WRAP73: variants seen among roughly 807,000 people sequenced by gnomAD.
WRAP73 encodes WD repeat containing, antisense to TP73.
WRAP73 carries 55 observed loss-of-function variants against 59.6 expected under a neutral mutation model. The observed-to-expected ratio is 0.92, with a 90% CI of 0.74 to 1.15. The LOEUF (loss-of-function observed/expected upper bound fraction) is 1.15. Ranked by LOEUF, WRAP73 falls within the 50% of genes most tolerant of loss-of-function variation. The pLI is 0.00. For missense variants in WRAP73, 592 were observed against 608.1 expected, an observed-to-expected ratio of 0.97 and a Z score of 0.28; for synonymous variants, 265 against 258.2, an observed-to-expected ratio of 1.03 and a Z score of -0.25.
At position 3,632,235 on chromosome 1, in the gene WRAP73, G is replaced by A. The variant is rs1313048011; in HGVS notation, c.1026C>T (p.Ser342=). 2.5e-6 allele frequency: 4 copies of A among 1,614,020 alleles called. No individual in the cohort carries two copies. The Admixed American group carries it at 6.7e-5, about 27-fold the overall frequency. The part of the protein sequence containing the change: ...GIGMLAFSPD[S]YFLATRNDNI... ...GACCGTTCCTTGTCGCCAGGAAGTA[G>A]CTGTCAGGACTAAATGCCAGCATTC... Residue 342 remains serine, a synonymous_variant, in exon 10 of 12, where the codon AGC becomes AGT. Transcript: ENST00000270708.
chr1:3,635,587 G>A (rs1644582259), intron 6 of WRAP73: 2 of 495,798 alleles, frequency 4.0e-6, no homozygotes, highest in Non-Finnish European at 7.2e-6. Context: ...TTGGGAGGCC[G>A]AAGCTGGCAG....
At chr1:3,632,911 AC>A (rs1168339085) in intron 9 of WRAP73, 4 of 213,430 alleles carry the variant, frequency 1.9e-5, no homozygotes, top group Non-Finnish European at 3.8e-5. Flanking sequence ...TCTACCTGCA[AC>A]CTTCAGATGC....
Position 3,647,493 on chromosome 1 carries a change from G to A in WRAP73, c.137C>T (p.Thr46Met), listed in dbSNP as rs890149250. ...VNTLQILQLY[T>M]CLDQIQHIEW... The stretch of plus-strand genomic sequence containing the variant: ...GATGTGCTGGATCTGGTCTAGGCAC[G>A]TGTACAGCTGAAGGATCTGAAGGGT... The change falls in exon 2 of 12, where the codon ACG (threonine) becomes ATG (methionine). Residue 46 changes from threonine to methionine, a missense_variant. By Grantham distance (81) the Thr-to-Met change is moderately conservative (BLOSUM62 -1). Transcript: ENST00000270708. 2.1e-5 allele frequency: 34 copies of A among 1,613,864 alleles called. No individual in the cohort carries two copies. The highest frequency in any genetic ancestry group is 1.2e-4 in the South Asian group (11 of 91,084).
In WRAP73 at chr1:3,632,367, T is replaced by C. The variant is rs765544322; in HGVS notation, c.923-29A>G. ...GAACACCAACAGGAAGAACACGCCA[T>C]TGTCACCCTTTCGGGAAGTACGCAC... On this transcript the variant is annotated intron_variant, in intron 9 of 11. Transcript: ENST00000270708. 32 of 1,613,742 alleles carry C rather than the reference T, an allele frequency of 2.0e-5. No individual in the cohort carries two copies. The East Asian group carries it at 4.2e-4, about 21-fold the overall frequency.
At chr1:3,632,406 T>C (rs1239750794) in intron 9 of WRAP73, 68 bp from the exon 10 acceptor site, 4 of 1,610,786 alleles carry the variant, frequency 2.5e-6, no homozygotes, top group Non-Finnish European at 3.4e-6. Context: ...GCTGAGAGGC[T>C]GCTGTGCCTG....
chr1:3,646,190 C>G lies in WRAP73; in HGVS notation c.339+476G>C, dbSNP rs867103530. Among the ~76,000 whole-genome samples the G allele has an allele frequency of 2.0e-5, 3 of 152,182 alleles. No individual in the cohort carries two copies. Among genetic ancestry groups the G allele is most frequent in the Non-Finnish European group, 2.9e-5 (2 of 68,042 alleles). ...CAGACAGTGCCTGTGTTCACGACAC[C>G]CTTATCTGACTCAGTAGCAGCCCAA... On this transcript the variant is annotated intron_variant, in intron 3 of 11. Transcript: ENST00000270708. This position sits in a 1 kb window ranked among gnomAD's most constrained non-coding sequence, Gnocchi z 5.1.
In WRAP73 at chr1:3,630,822, C is replaced by T; in HGVS notation, c.*153G>A. Reference sequence around the variant, plus strand: ...AAATAATAAAACTACAGTTTTATACCATACATATTTACAAAAATGCTTTGC... The same window carrying T: ...AAATAATAAAACTACAGTTTTATACTATACATATTTACAAAAATGCTTTGC... On this transcript the variant is annotated 3_prime_UTR_variant, in exon 12 of 12. Coordinates refer to ENST00000270708, the MANE Select transcript of WRAP73 (RefSeq NM_017818.4). 1 of 926,140 alleles carries T rather than the reference C, an allele frequency of 1.1e-6. No homozygotes were observed. Among genetic ancestry groups the T allele is most frequent in the South Asian group, 1.7e-5 (1 of 58,998 alleles). The allele number at this position is 926,140 out of a possible 1,614,324, so 57.4% of individuals were successfully genotyped here. A position where few individuals can be genotyped will look rare whatever the true frequency, so the allele number is the denominator to read the frequency against.
chr1:3,642,365 G>A lies in WRAP73; in HGVS notation c.340-3543C>T, dbSNP rs537750662. Reference sequence around the variant, plus strand: ...CACATAGGTGGACCAACAGTGGACTGGAATGGAAACCAGAAGTGATCCTGC... The same window carrying A: ...CACATAGGTGGACCAACAGTGGACTAGAATGGAAACCAGAAGTGATCCTGC... On this transcript the variant is annotated intron_variant, in intron 3 of 11. Coordinates refer to ENST00000270708, the MANE Select transcript of WRAP73 (RefSeq NM_017818.4). 6.6e-5 allele frequency among the ~76,000 whole-genome samples: 10 copies of A among 152,334 alleles called. No individual in the cohort carries two copies. The East Asian group carries it at 1.9e-3, about 29-fold the overall frequency.
chr1:3,633,276 G>A (rs985504680), intron 9 of WRAP73, 122 bp downstream of exon 9: 2 of 909,370 alleles, frequency 2.2e-6, no homozygotes, highest in African/African-American at 1.7e-5. Context: ...CACACTGGCT[G>A]GAAGCATGGA....
chr1:3,643,535 G>C (rs527606157), intron 3 of WRAP73, among the ~76,000 whole-genome samples: 1 of 152,092 alleles, frequency 6.6e-6, no homozygotes, highest in Non-Finnish European at 1.5e-5. Flanking sequence ...CACGTGGGGT[G>C]GCGCCTTCGC....
intron 8 of WRAP73, 131 bp from the exon 9 acceptor site, chr1:3,633,634 G>A (rs1395065590): frequency 2.7e-5 from 19 of 700,916 alleles, no homozygotes; most frequent in Non-Finnish European, 4.0e-5. Flanking sequence ...TGCTGCCACC[G>A]GGAGAGACGG....
At chr1:3,632,125 A>T (rs1644541396) in intron 10 of WRAP73, 88 bp downstream of exon 10, 1 of 1,521,226 alleles carries the variant, frequency 6.6e-7, no homozygotes, top group Non-Finnish European at 8.8e-7. Flanking sequence ...GGAAACCCCC[A>T]ACTTCATTTT....
In WRAP73 at chr1:3,642,651, C is replaced by T. The variant is rs945615549; in HGVS notation, c.340-3829G>A. On this transcript the variant is annotated intron_variant, in intron 3 of 11. Transcript: ENST00000270708. ...ACTCGGGAGGCTGAGGCAGGAAAAT[C>T]GCTTGAACCTGGGAGGCGTAGGTTG... Among the ~76,000 whole-genome samples the T allele has an allele frequency of 3.3e-5, 5 of 150,856 alleles. 1 individual carries two copies. Among genetic ancestry groups the T allele is most frequent in the Admixed American group, 6.6e-5 (1 of 15,116 alleles).
rs140035783 is a variant in WRAP73, at chr1:3,635,492, G to T, written c.604-198C>A. On this transcript the variant is annotated intron_variant, in intron 6 of 11. Transcript: ENST00000270708. ...GGCAGTGAGAGCATGAGGAAAAAGGGGAAATTGGGAGGTCAACCTAATGGC... is the reference window on the plus strand; with the variant it reads ...GGCAGTGAGAGCATGAGGAAAAAGGTGAAATTGGGAGGTCAACCTAATGGC... The T allele has an allele frequency of 5.6e-6, 4 of 708,496 alleles. No individual in the cohort carries two copies. The African/African-American group carries it at 7.2e-5, about 13-fold the overall frequency. 43.9% of individuals were successfully genotyped at this position (708,496 alleles called of 1,614,324 possible).
chr1:3,645,471 G>A (rs1031009349), intron 3 of WRAP73, among the ~76,000 whole-genome samples: 1 of 148,940 alleles, frequency 6.7e-6, no homozygotes, highest in Admixed American at 6.7e-5. Flanking sequence ...GCAGCGGGAC[G>A]GGCGGGTTGC....
chr1:3,638,864 G>C (rs3818330), intron 3 of WRAP73, 42 bp from the exon 4 acceptor site: 3 of 1,608,096 alleles, frequency 1.9e-6, no homozygotes, highest in Non-Finnish European at 2.6e-6. Context: ...CACTTCTTTA[G>C]CATCATCAGA....
chr1:3,633,324 T>C (rs1468935139), intron 9 of WRAP73, 74 bp downstream of exon 9: 33 of 1,375,752 alleles, frequency 2.4e-5, no homozygotes, highest in Non-Finnish European at 3.4e-5. Context: ...ATAAGGAACA[T>C]CCGAAGTTTA....
chr1:3,648,429 AGAG>A (rs1470001957), intron 1 of WRAP73, among the ~76,000 whole-genome samples: 2 of 152,230 alleles, frequency 1.3e-5, no homozygotes, highest in Non-Finnish European at 2.9e-5. Flanking sequence ...GTGGGAGAAA[AGAG>A]AGACAGGCGG....
chr1:3,633,061 G>A lies in WRAP73; in HGVS notation c.922+337C>T, dbSNP rs551733138. On this transcript the variant is annotated intron_variant, in intron 9 of 11. Coordinates refer to ENST00000270708, the MANE Select transcript of WRAP73 (RefSeq NM_017818.4). ...GGAGACAGCGCTCGGGAGCACCGCC[G>A]GGTTCCAGACCCACTCTGAGCGCCA... The A allele has an allele frequency of 8.3e-4, 251 of 303,458 alleles. 4 individuals carry two copies. The highest frequency in any genetic ancestry group is 3.9e-3 in the South Asian group (131 of 34,016). 18.8% of individuals were successfully genotyped at this position (303,458 alleles called of 1,614,324 possible). A position where few individuals can be genotyped will look rare whatever the true frequency, so the allele number is the denominator to read the frequency against.
Sources: gnomAD v4.1 joint callset for allele counts (sites outside exome capture counted in the v4.1 genomes callset) on GRCh38, gnomAD v4.1.1 for gene constraint, Gnocchi (gnomAD v3.1) non-coding constraint, MANE v1.5 for transcripts, NCBI Gene and HGNC (gene_info 2026-07-23, HGNC 2026-07-21) for gene names.